Variants in IRAK2 observed in about 807,000 individuals in gnomAD.
IRAK2 encodes interleukin 1 receptor associated kinase 2.
A neutral mutation model predicts 72.0 loss-of-function variants in IRAK2; 57 were observed. The observed-to-expected ratio is 0.79, with a 90% CI of 0.64 to 0.99. The LOEUF is 0.99. Among genes scored for constraint, IRAK2 ranks in the 50% least tolerant of loss-of-function variants. IRAK2 has a pLI of 0.00. For synonymous variants in IRAK2, 293 were observed against 312.7 expected (o/e 0.94, Z 0.67); for missense variants, 790 against 794.4 (o/e 0.99, Z 0.07).
chr3:10,167,537 C>G (rs1696714622), intron 1 of IRAK2, among the ~76,000 whole-genome samples: 1 of 152,012 alleles, frequency 6.6e-6, no homozygotes, highest in Non-Finnish European at 1.5e-5. Flanking sequence ...GCTTCAGCCT[C>G]CCTAGCAGCT....
intron 11 of IRAK2, 141 bp downstream of exon 11, chr3:10,234,800 A>G: frequency 1.3e-6 from 1 of 757,636 alleles, no homozygotes; most frequent in Non-Finnish European, 2.1e-6. Flanking sequence ...AGCTCCCATC[A>G]GCCAAAGGGC....
At position 10,167,236 on chromosome 3, in the gene IRAK2, G is replaced by A. The variant is rs568612466; in HGVS notation, c.94+2188G>A. Among the ~76,000 whole-genome samples the A allele has an allele frequency of 1.1e-4, 17 of 152,174 alleles. No individual in the cohort carries two copies. In the South Asian group the frequency reaches 2.5e-3, roughly 22 times the overall value. On this transcript the variant is annotated intron_variant, in intron 1 of 12. Transcript: ENST00000256458. The stretch of plus-strand genomic sequence containing the variant: ...CAATCTTAGAACATTTTAATCACCC[G>A]AAGAAGAAACTCTGTACCCGTTAAC...
At chr3:10,182,958 G>T (rs1696984419) in intron 2 of IRAK2, among the ~76,000 whole-genome samples, 1 of 151,968 alleles carries the variant, frequency 6.6e-6, no homozygotes, top group Admixed American at 6.6e-5. Context: ...TTTTAATAGA[G>T]ATGGGGTTTC....
At chr3:10,213,741 A>G (rs1368712999) in intron 6 of IRAK2, among the ~76,000 whole-genome samples, 193 bp downstream of exon 6, 1 of 152,168 alleles carries the variant, frequency 6.6e-6, no homozygotes, top group East Asian at 1.9e-4. Context: ...TAAATGTCTC[A>G]TCCAAGGTCA....
rs759831647 is a variant in IRAK2 at position 10,242,238 on chromosome 3, C to A, written c.*10C>A. On this transcript the variant is annotated 3_prime_UTR_variant, in exon 13 of 13. Transcript: ENST00000256458. ...GCTCTTTGGCCCCTGATGACCGGAA[C>A]ACAGCTGAGGACCCTTGTCCTCAGT... 32 of 1,509,610 alleles carry A rather than the reference C, an allele frequency of 2.1e-5. No homozygotes were observed. Among genetic ancestry groups the A allele is most frequent in the African/African-American group, 2.8e-5 (2 of 72,696 alleles). 93.5% of individuals were successfully genotyped at this position (1,509,610 alleles called of 1,614,324 possible). A position where few individuals can be genotyped will look rare whatever the true frequency, so the allele number is the denominator to read the frequency against.
chr3:10,219,328 T>C (rs1394910170), intron 7 of IRAK2, among the ~76,000 whole-genome samples: 1 of 49,230 alleles, frequency 2.0e-5, no homozygotes, highest in East Asian at 2.6e-4. Flanking sequence ...TTTGTTTTTG[T>C]TTTTTTTTGA....
chr3:10,230,347 ATCT>A (rs1697839846), intron 10 of IRAK2, among the ~76,000 whole-genome samples: 1 of 151,458 alleles, frequency 6.6e-6, no homozygotes, highest in South Asian at 2.1e-4. Flanking sequence ...CCTATCTCCT[ATCT>A]TCTTTGTCAC....
At chr3:10,189,487 A>T (rs1454922155) in intron 2 of IRAK2, among the ~76,000 whole-genome samples, 1 of 152,190 alleles carries the variant, frequency 6.6e-6, no homozygotes, top group Non-Finnish European at 1.5e-5. Flanking sequence ...GAGGTTCCAG[A>T]TGTCAACTGA....
chr3:10,215,210 A>G (rs1559449236), intron 6 of IRAK2, among the ~76,000 whole-genome samples: 2 of 151,702 alleles, frequency 1.3e-5, no homozygotes, highest in Non-Finnish European at 2.9e-5. Context: ...AACATGGCGA[A>G]ACCTCATCTC....
At chr3:10,177,635 T>C (rs1379486971) in intron 1 of IRAK2, among the ~76,000 whole-genome samples, 1 of 152,170 alleles carries the variant, frequency 6.6e-6, no homozygotes, top group Non-Finnish European at 1.5e-5. Context: ...CTAAGTCATA[T>C]GTACTGGACC....
At chr3:10,218,978 G>A (rs946475307) in intron 7 of IRAK2, among the ~76,000 whole-genome samples, 1 of 152,116 alleles carries the variant, frequency 6.6e-6, no homozygotes, top group Admixed American at 6.5e-5. Context: ...TGGACGGATC[G>A]CTTGAGCCCA....
chr3:10,229,740 A>G (rs1697830893), intron 10 of IRAK2, among the ~76,000 whole-genome samples: 1 of 152,184 alleles, frequency 6.6e-6, no homozygotes, highest in African/African-American at 2.4e-5. Flanking sequence ...CAGTTGCTGG[A>G]CATTTGGGTT....
intron 1 of IRAK2, among the ~76,000 whole-genome samples, chr3:10,169,505 C>T (rs772267231): frequency 7.9e-5 from 12 of 152,144 alleles, no homozygotes; most frequent in South Asian, 4.1e-4. Context: ...AAGAATTCAG[C>T]GATATTTCTC....
chr3:10,226,559 G>A (rs1182032557), intron 10 of IRAK2, 126 bp downstream of exon 10: 17 of 696,112 alleles, frequency 2.4e-5, no homozygotes, highest in Non-Finnish European at 4.2e-5. Context: ...GGTTGCATTT[G>A]CATCCCCACA....
At chr3:10,227,286 A>G (rs1194891188) in intron 10 of IRAK2, among the ~76,000 whole-genome samples, 1 of 151,944 alleles carries the variant, frequency 6.6e-6, no homozygotes, top group South Asian at 2.1e-4. Context: ...TGTCTCTACT[A>G]AAAATACAAA....
intron 2 of IRAK2, among the ~76,000 whole-genome samples, chr3:10,187,645 A>C (rs1697098880): frequency 6.6e-6 from 1 of 152,244 alleles, no homozygotes; most frequent in Non-Finnish European, 1.5e-5. Flanking sequence ...GGAGATTTAC[A>C]ATGCATACCA....
chr3:10,173,757 A>G, intron 1 of IRAK2, among the ~76,000 whole-genome samples: 1 of 152,124 alleles, frequency 6.6e-6, no homozygotes, highest in East Asian at 1.9e-4. Context: ...CCTGGGAGGC[A>G]TAGGCTGCAG....
At chr3:10,203,058 A>G (rs1021346906) in intron 3 of IRAK2, among the ~76,000 whole-genome samples, 1 of 151,984 alleles carries the variant, frequency 6.6e-6, no homozygotes, top group Non-Finnish European at 1.5e-5. Context: ...GTGCAGTGGC[A>G]CAATCTCGGC....
chr3:10,168,170 T>C (rs1179627905), intron 1 of IRAK2, among the ~76,000 whole-genome samples: 1 of 152,150 alleles, frequency 6.6e-6, no homozygotes, highest in African/African-American at 2.4e-5. Context: ...AGGATGACCA[T>C]TTCTCCACAT....
Sources: allele counts gnomAD v4.1 joint callset (sites outside exome capture counted in the v4.1 genomes callset), GRCh38; gene constraint gnomAD v4.1.1; transcripts MANE v1.5; gene names NCBI Gene and HGNC (gene_info 2026-07-23, HGNC 2026-07-21).